The following SLC25A48 variants were observed in gnomAD, a reference collection of about 807,000 sequenced individuals.
The protein encoded by SLC25A48 is solute carrier family 25 member 48.
A neutral mutation model predicts 32.2 loss-of-function variants in SLC25A48; 29 were observed. The ratio of observed to expected loss-of-function variants is 0.90; its 90% CI spans 0.67 to 1.23. SLC25A48 has a LOEUF of 1.23. Ranked by LOEUF, SLC25A48 falls within the 50% of genes most tolerant of loss-of-function variation. The probability of loss-of-function intolerance (pLI) is 0.00; values close to 1 mark genes in which losing one functional copy is unlikely to be tolerated. For missense variants in SLC25A48, 399 were observed against 422.7 expected (o/e 0.94, Z 0.49); for synonymous variants, 164 against 172.3 (o/e 0.95, Z 0.38).
intron 3 of SLC25A48, among the ~76,000 whole-genome samples, chr5:135,796,776 C>T (rs1055620460): frequency 1.3e-5 from 2 of 151,550 alleles, no homozygotes; most frequent in African/African-American, 4.8e-5. Flanking sequence ...GATATTGTTC[C>T]TAATATCCAG....
chr5:135,802,429 A>C (rs1030095467), intron 3 of SLC25A48, among the ~76,000 whole-genome samples: 10 of 151,574 alleles, frequency 6.6e-5, no homozygotes, highest in African/African-American at 2.4e-4. Flanking sequence ...GATATTATTT[A>C]TAATATCCTA....
At position 135,874,153 on chromosome 5, in the gene SLC25A48, A is replaced by T; in HGVS notation, c.812A>T (p.Lys271Ile). 1 of 1,456,374 alleles carries T rather than the reference A, an allele frequency of 6.9e-7. No homozygotes were observed. Among genetic ancestry groups the T allele is most frequent in the Non-Finnish European group, 9.0e-7 (1 of 1,113,412 alleles). The allele number at this position is 1,456,374 out of a possible 1,614,324, so 90.2% of individuals were successfully genotyped here. Reference sequence around the variant, plus strand: ...CAGAGTTACCAGAAGGAAGGTCTTAAAGTAAGCCCACAGCAGGCCTGCGGG... The same window carrying T: ...CAGAGTTACCAGAAGGAAGGTCTTATAGTAAGCCCACAGCAGGCCTGCGGG... ...ISQSYQKEGL[K>I]VFFRGITVNA... Residue 271 changes from lysine to isoleucine, a missense_variant and splice_region_variant, in exon 6 of 8, where the codon AAA (lysine) becomes ATA (isoleucine). By Grantham distance (102) the Lys-to-Ile change is moderately radical. Coordinates refer to ENST00000681962, the MANE Select transcript of SLC25A48 (RefSeq NM_001349336.2).
At chr5:135,633,496 C>T (rs939116086) in intron 2 of SLC25A48, among the ~76,000 whole-genome samples, 4 of 151,874 alleles carry the variant, frequency 2.6e-5, no homozygotes, top group African/African-American at 7.3e-5. Flanking sequence ...CATGTGAGCG[C>T]ACAGCAAGAA....
chr5:135,880,336 C>G (rs1270909575), intron 7 of SLC25A48, among the ~76,000 whole-genome samples: 1 of 152,050 alleles, frequency 6.6e-6, no homozygotes, highest in Non-Finnish European at 1.5e-5. Context: ...ATACCTGTTT[C>G]CAGACAGCTC....
At chr5:135,718,154 C>G (rs952986230) in intron 3 of SLC25A48, among the ~76,000 whole-genome samples, 3 of 151,970 alleles carry the variant, frequency 2.0e-5, no homozygotes, top group Non-Finnish European at 4.4e-5. Flanking sequence ...ACTACAGGTG[C>G]GTACCACCAT....
intron 3 of SLC25A48, among the ~76,000 whole-genome samples, chr5:135,657,454 C>G (rs801554): frequency 0.34 from 52,432 of 152,064 alleles, 9,424 homozygotes; most frequent in East Asian, 0.63. Flanking sequence ...GTCATAACCA[C>G]GACATGAGCT....
chr5:135,755,874 TATC>T (rs1368464655), intron 3 of SLC25A48, among the ~76,000 whole-genome samples: 6 of 151,160 alleles, frequency 4.0e-5, no homozygotes, highest in East Asian at 1.9e-4. Flanking sequence ...ATATTTATCA[TATC>T]ATATTTAGTG....
In SLC25A48 at chr5:135,839,659, G is replaced by A. The variant is rs1311338570; in HGVS notation, c.47-2757G>A. Among the ~76,000 whole-genome samples the A allele has an allele frequency of 3.3e-5, 5 of 152,152 alleles. No individual in the cohort carries two copies. The South Asian group carries it at 6.2e-4, about 19-fold the overall frequency. On this transcript the variant is annotated intron_variant, in intron 1 of 7. Transcript: ENST00000681962. ...ACATGAGATTTGGGAGGGGCCAGGAGTGGAATGATATAGTTTGGCTGTGTC... is the reference window on the plus strand; with the variant it reads ...ACATGAGATTTGGGAGGGGCCAGGAATGGAATGATATAGTTTGGCTGTGTC...
At chr5:135,611,795 T>C (rs562626682) in intron 1 of SLC25A48, among the ~76,000 whole-genome samples, 2 of 152,322 alleles carry the variant, frequency 1.3e-5, no homozygotes, top group East Asian at 3.9e-4. Context: ...GATATTCCTA[T>C]TAAAAGCAAC....
intron 1 of SLC25A48, among the ~76,000 whole-genome samples, chr5:135,589,776 C>T (rs1751465286): frequency 6.6e-6 from 1 of 152,196 alleles, no homozygotes; most frequent in Non-Finnish European, 1.5e-5. Flanking sequence ...CTCACTGCAA[C>T]CTCTGCCTCC....
At chr5:135,822,350 A>C (rs1420361334) in intron 4 of SLC25A48, among the ~76,000 whole-genome samples, 1 of 152,228 alleles carries the variant, frequency 6.6e-6, no homozygotes, top group African/African-American at 2.4e-5. Flanking sequence ...AGCTTAAAAC[A>C]ACACACATTT....
At chr5:135,693,231 T>G (rs1434088401) in intron 3 of SLC25A48, among the ~76,000 whole-genome samples, 1 of 152,248 alleles carries the variant, frequency 6.6e-6, no homozygotes, top group Non-Finnish European at 1.5e-5. Flanking sequence ...AAAGGCTGCA[T>G]AGTCTACTGT....
At chr5:135,865,728 C>T (rs1040264190) in intron 4 of SLC25A48, among the ~76,000 whole-genome samples, 1 of 152,142 alleles carries the variant, frequency 6.6e-6, no homozygotes. Context: ...GCAACAGAGG[C>T]AAGCCATACT....
At chr5:135,692,571 T>G (rs991565485) in intron 3 of SLC25A48, among the ~76,000 whole-genome samples, 1 of 152,168 alleles carries the variant, frequency 6.6e-6, no homozygotes, top group Non-Finnish European at 1.5e-5. Context: ...TGATCTCACT[T>G]TGTCCTCTCA....
chr5:135,776,507 G>T (rs1490404954), intron 3 of SLC25A48, among the ~76,000 whole-genome samples: 1 of 151,798 alleles, frequency 6.6e-6, no homozygotes, highest in Non-Finnish European at 1.5e-5. Flanking sequence ...TATCCAGGGG[G>T]GAAGAAGATA....
chr5:135,754,760 C>G (rs890895642), intron 3 of SLC25A48, among the ~76,000 whole-genome samples: 1 of 147,232 alleles, frequency 6.8e-6, no homozygotes, highest in African/African-American at 2.5e-5. Context: ...TTTATAATAT[C>G]GAGTGTTTAT....
chr5:135,806,649 CTT>C (rs147806386), intron 3 of SLC25A48, among the ~76,000 whole-genome samples: 2,685 of 149,776 alleles, frequency 0.018, 82 homozygotes, highest in African/African-American at 0.06. Context: ...TTATAAATAA[CTT>C]AGCACTGTGT....
At chr5:135,794,304 T>C (rs1757110264) in intron 3 of SLC25A48, among the ~76,000 whole-genome samples, 1 of 151,614 alleles carries the variant, frequency 6.6e-6, no homozygotes, top group Non-Finnish European at 1.5e-5. Flanking sequence ...TTGTTCCAAA[T>C]ATCCAGGGGG....
At chr5:135,773,837 G>T (rs958556183) in intron 3 of SLC25A48, among the ~76,000 whole-genome samples, 3 of 149,932 alleles carry the variant, frequency 2.0e-5, no homozygotes, top group Non-Finnish European at 3.0e-5. Context: ...ATATCCAGAG[G>T]GGGGAGGGTA....
Sources: allele counts gnomAD v4.1 joint callset (sites outside exome capture counted in the v4.1 genomes callset), GRCh38; gene constraint gnomAD v4.1.1; transcripts MANE v1.5; gene names NCBI Gene and HGNC (gene_info 2026-07-23, HGNC 2026-07-21).